Variants in BBS9 observed in about 807,000 individuals in gnomAD.
BBS9 encodes the protein Bardet-Biedl syndrome 9, also known as protein PTHB1.
BBS9 carries 89 observed loss-of-function variants against 117.7 expected under a neutral mutation model. The observed-to-expected ratio is 0.76, with a 90% CI of 0.64 to 0.90. The LOEUF (loss-of-function observed/expected upper bound fraction) is 0.90, where lower values mean the gene tolerates loss of function less well. BBS9 is among the 40% of genes least tolerant of loss of function. The pLI, the probability that BBS9 is intolerant of heterozygous loss-of-function variation, is 0.00. For synonymous variants in BBS9, 379 were observed against 370.9 expected (o/e 1.02, Z -0.25); for missense variants, 982 against 1,042.2 (o/e 0.94, Z 0.80).
downstream of BBS9, among the ~76,000 whole-genome samples, chr7:33,610,689 A>G (rs1407230047): frequency 6.6e-6 from 1 of 152,116 alleles, no homozygotes; most frequent in African/African-American, 2.4e-5. Context: ...CATTCAAACC[A>G]TAACAGTAAG....
At chr7:33,296,010 A>C (rs1284767445) in intron 9 of BBS9, among the ~76,000 whole-genome samples, 1 of 152,168 alleles carries the variant, frequency 6.6e-6, no homozygotes, top group Non-Finnish European at 1.5e-5. Flanking sequence ...AACAATTAAC[A>C]AACTCATTTT....
chr7:33,344,078 G>GTTTT (rs34530007), intron 11 of BBS9, among the ~76,000 whole-genome samples: 792 of 67,546 alleles, frequency 0.012, 41 homozygotes, highest in African/African-American at 0.044. Flanking sequence ...TAGGGGATGA[G>GTTTT]TTTTTTTTTT....
At chr7:33,481,449 C>T (rs752259556) in intron 19 of BBS9, among the ~76,000 whole-genome samples, 112 of 152,054 alleles carry the variant, frequency 7.4e-4, no homozygotes, top group Non-Finnish European at 4.9e-4. Flanking sequence ...AGAAATACAA[C>T]TAAAGAAAAT....
intron 20 of BBS9, among the ~76,000 whole-genome samples, chr7:33,521,358 T>G (rs1848564286): frequency 6.6e-6 from 1 of 152,210 alleles, no homozygotes; most frequent in Non-Finnish European, 1.5e-5. Flanking sequence ...GGTTTTAGAT[T>G]TTCATCCAAT....
intron 5 of BBS9, among the ~76,000 whole-genome samples, chr7:33,253,068 C>T (rs1028990013): frequency 3.9e-5 from 6 of 152,112 alleles, no homozygotes; most frequent in Non-Finnish European, 8.8e-5. Flanking sequence ...TTTCACAACG[C>T]CATGATCACT....
At chr7:33,544,801 G>A (rs76454398) in intron 21 of BBS9, among the ~76,000 whole-genome samples, 174 of 152,276 alleles carry the variant, frequency 1.1e-3, no homozygotes, top group African/African-American at 4.1e-3. Context: ...TGGATAGGGA[G>A]AGACCACACA....
intron 21 of BBS9, among the ~76,000 whole-genome samples, chr7:33,612,574 T>C (rs1429663728): frequency 6.6e-6 from 1 of 151,976 alleles, no homozygotes; most frequent in East Asian, 1.9e-4. Context: ...TGTCCTTCAT[T>C]TGAGTCCCTC....
At chr7:33,559,260 T>A (rs144431041) in intron 21 of BBS9, among the ~76,000 whole-genome samples, 128 of 152,296 alleles carry the variant, frequency 8.4e-4, no homozygotes, top group African/African-American at 3.0e-3. Flanking sequence ...CTATGATAAT[T>A]GCTCAGAAAC....
intron 9 of BBS9, among the ~76,000 whole-genome samples, chr7:33,324,641 A>C (rs1812472924): frequency 6.8e-6 from 1 of 146,804 alleles, no homozygotes; most frequent in Non-Finnish European, 1.5e-5. Context: ...TCCCTTTAGC[A>C]TTTCTTGTAG....
At chr7:33,190,489 C>T (rs548471903) in intron 5 of BBS9, among the ~76,000 whole-genome samples, 2 of 152,208 alleles carry the variant, frequency 1.3e-5, no homozygotes, top group African/African-American at 4.8e-5. Context: ...TGAAGACTCC[C>T]TTGGTTGCAA....
chr7:33,141,230 C>G (rs1227573530), intron 1 of BBS9, among the ~76,000 whole-genome samples: 1 of 152,050 alleles, frequency 6.6e-6, no homozygotes, highest in East Asian at 1.9e-4. Context: ...GGAGACCAGC[C>G]TGGTCAACAT....
At chr7:33,140,538 T>C (rs967533554) in intron 1 of BBS9, among the ~76,000 whole-genome samples, 30 of 152,188 alleles carry the variant, frequency 2.0e-4, no homozygotes, top group Admixed American at 5.2e-4. Flanking sequence ...ATTTGGGTAA[T>C]ATTTTGCTCT....
chr7:33,477,817 A>G (rs1385082921), intron 19 of BBS9, among the ~76,000 whole-genome samples: 2 of 152,204 alleles, frequency 1.3e-5, no homozygotes, highest in Admixed American at 6.5e-5. Flanking sequence ...ATTCATTAAA[A>G]TATGTGTGCT....
chr7:33,635,484 C>A (rs1435029942), exon 22 of BBS9, among the ~76,000 whole-genome samples: 1 of 152,244 alleles, frequency 6.6e-6, no homozygotes, highest in African/African-American at 2.4e-5. Context: ...GCCCTGGAAC[C>A]AGCCTGCTCC....
chr7:33,424,762 T>C (rs988201256), intron 19 of BBS9, among the ~76,000 whole-genome samples: 2 of 149,336 alleles, frequency 1.3e-5, no homozygotes, highest in Non-Finnish European at 1.5e-5. Flanking sequence ...AATTATAAGA[T>C]TTTTTTTAAT....
intron 19 of BBS9, among the ~76,000 whole-genome samples, chr7:33,457,522 A>T (rs1312172715): frequency 2.0e-5 from 3 of 152,120 alleles, no homozygotes; most frequent in Admixed American, 2.0e-4. Flanking sequence ...GAGAAATGTC[A>T]CCGTATTCAT....
At chr7:33,204,640 A>G (rs1786562261) in intron 5 of BBS9, among the ~76,000 whole-genome samples, 1 of 152,024 alleles carries the variant, frequency 6.6e-6, no homozygotes, top group Non-Finnish European at 1.5e-5. Context: ...TCACCCCCAA[A>G]CAGATGAGAC....
At chr7:33,262,388 G>A (rs1281634803) in intron 6 of BBS9, among the ~76,000 whole-genome samples, 1 of 152,150 alleles carries the variant, frequency 6.6e-6, no homozygotes, top group Non-Finnish European at 1.5e-5. Flanking sequence ...TGTAGGAAAT[G>A]AACCACCTAT....
intron 5 of BBS9, among the ~76,000 whole-genome samples, chr7:33,210,256 T>G (rs944775171): frequency 1.6e-4 from 25 of 152,210 alleles, no homozygotes; most frequent in African/African-American, 5.5e-4. Flanking sequence ...TTAGAGGAGA[T>G]GCTTGATATT....
Sources: gnomAD v4.1 joint callset for allele counts (sites outside exome capture counted in the v4.1 genomes callset) on GRCh38, gnomAD v4.1.1 for gene constraint, MANE v1.5 for transcripts, NCBI Gene and HGNC (gene_info 2026-07-23, HGNC 2026-07-21) for gene names.